The following TMCO5A variants were observed in gnomAD, a reference collection of about 807,000 sequenced individuals.
The protein encoded by TMCO5A is transmembrane and coiled-coil domain-containing protein 5A.
A neutral mutation model predicts 42.3 loss-of-function variants in TMCO5A; 34 were observed. That is an observed-to-expected ratio of 0.80 (90% CI 0.61 to 1.07). TMCO5A has a LOEUF of 1.07. Among genes scored for constraint, TMCO5A ranks in the 50% least tolerant of loss-of-function variants. The probability of loss-of-function intolerance (pLI) is 0.00; values close to 1 mark genes in which losing one functional copy is unlikely to be tolerated. For synonymous variants in TMCO5A, 131 were observed against 115.6 expected (o/e 1.13, Z -0.86); for missense variants, 357 against 327.9 (o/e 1.09, Z -0.69).
At chr15:38,006,066 G>C in the TMCO5A span, among the ~76,000 whole-genome samples, 1 of 152,218 alleles carries the variant, frequency 6.6e-6, no homozygotes, top group Admixed American at 6.5e-5. Context: ...GTGATGATAT[G>C]AAGAGGTCAA....
At chr15:37,990,679 A>G in the TMCO5A span, among the ~76,000 whole-genome samples, 4 of 151,990 alleles carry the variant, frequency 2.6e-5, no homozygotes, top group East Asian at 7.7e-4. Flanking sequence ...TTTTCTATAT[A>G]CCTTTTATCT....
At chr15:37,938,917 G>A (rs1385659477) in intron 6 of TMCO5A, among the ~76,000 whole-genome samples, 1 of 152,086 alleles carries the variant, frequency 6.6e-6, no homozygotes, top group Non-Finnish European at 1.5e-5. Context: ...AATTTCTTGT[G>A]TATACTCATG....
the TMCO5A span, chr15:38,020,605 G>A: frequency 7.2e-5 from 11 of 152,250 alleles, no homozygotes; most frequent in African/African-American, 2.4e-4. Context: ...CAATGGATAC[G>A]TAATAAGCCA....
the TMCO5A span, among the ~76,000 whole-genome samples, chr15:37,980,670 G>GTCTT: frequency 7.1e-6 from 1 of 140,680 alleles, no homozygotes; most frequent in Non-Finnish European, 1.5e-5. Flanking sequence ...AAAATCTAGT[G>GTCTT]TCTTTCTTTC....
chr15:38,023,185 A>G, the TMCO5A span, among the ~76,000 whole-genome samples: 4 of 152,112 alleles, frequency 2.6e-5, no homozygotes, highest in Non-Finnish European at 5.9e-5. Context: ...TAACAAAAAT[A>G]GACAAATTGA....
chr15:37,957,091 C>G (rs535911674), intron 11 of TMCO5A, among the ~76,000 whole-genome samples: 2 of 152,250 alleles, frequency 1.3e-5, no homozygotes, highest in East Asian at 3.9e-4. Context: ...GAACATTTCT[C>G]AAAATAATGA....
At chr15:37,990,430 C>T in the TMCO5A span, among the ~76,000 whole-genome samples, 1 of 152,016 alleles carries the variant, frequency 6.6e-6, no homozygotes, top group African/African-American at 2.4e-5. Context: ...TAGCCACTCC[C>T]ACTCTCTTGT....
At chr15:38,011,985 G>A in the TMCO5A span, among the ~76,000 whole-genome samples, 10 of 152,056 alleles carry the variant, frequency 6.6e-5, no homozygotes, top group African/African-American at 9.7e-5. Context: ...GTAGCCTGGC[G>A]CAGTGCCGGG....
downstream of TMCO5A, among the ~76,000 whole-genome samples, chr15:37,969,020 A>G (rs987230493): frequency 1.3e-5 from 2 of 152,246 alleles, 1 homozygote; most frequent in Admixed American, 1.3e-4. Context: ...ATGGATGAAG[A>G]AGACATAATA....
the TMCO5A span, among the ~76,000 whole-genome samples, chr15:38,029,222 C>T: frequency 1.5e-4 from 23 of 152,236 alleles, no homozygotes; most frequent in Middle Eastern, 6.8e-3. Context: ...AATTTTAACT[C>T]TTGACCCCCA....
At chr15:37,953,121 A>G (rs1342816199), downstream of TMCO5A, among the ~76,000 whole-genome samples, 2 of 152,184 alleles carry the variant, frequency 1.3e-5, no homozygotes, top group Non-Finnish European at 1.5e-5. Flanking sequence ...CTGGACATGC[A>G]CAGGGCCAGG....
At chr15:37,950,035 T>G (rs112749447) in intron 11 of TMCO5A, among the ~76,000 whole-genome samples, 20 of 152,174 alleles carry the variant, frequency 1.3e-4, no homozygotes, top group African/African-American at 4.8e-4. Context: ...GCCGCTTGAG[T>G]GTCCTCACAA....
At chr15:37,992,405 A>G in the TMCO5A span, among the ~76,000 whole-genome samples, 1 of 152,194 alleles carries the variant, frequency 6.6e-6, no homozygotes, top group African/African-American at 2.4e-5. Flanking sequence ...GTGGGAGTGT[A>G]AATTAGTTCC....
the TMCO5A span, among the ~76,000 whole-genome samples, chr15:38,000,852 T>C: frequency 6.6e-6 from 1 of 152,130 alleles, no homozygotes; most frequent in Non-Finnish European, 1.5e-5. Flanking sequence ...TTATTCCATG[T>C]GGTCAGATAA....
intron 6 of TMCO5A, among the ~76,000 whole-genome samples, chr15:37,940,435 A>G (rs186304189): frequency 3.8e-4 from 58 of 152,290 alleles, no homozygotes; most frequent in Non-Finnish European, 7.1e-4. Flanking sequence ...ATCTCCATTT[A>G]GCTAGCATTT....
chr15:37,998,595 C>G, the TMCO5A span, among the ~76,000 whole-genome samples: 2 of 152,240 alleles, frequency 1.3e-5, no homozygotes, highest in South Asian at 4.2e-4. Context: ...AGTTTGGTTA[C>G]TATAGCTCTG....
At chr15:38,010,790 CCACCCAGGCTAGAGTGCAGTGGCTCAA>C in the TMCO5A span, among the ~76,000 whole-genome samples, 1 of 152,094 alleles carries the variant, frequency 6.6e-6, no homozygotes, top group African/African-American at 2.4e-5. Context: ...CCTCACTCTG[CCACCCAGGCTAGAGTGCAGTGGCTCAA>C]TCTTGGCTCA....
At chr15:37,975,255 C>T in the TMCO5A span, among the ~76,000 whole-genome samples, 55 of 152,166 alleles carry the variant, frequency 3.6e-4, no homozygotes, top group Admixed American at 3.3e-3. Flanking sequence ...TATGTTAGGC[C>T]CATTTTGTCA....
At chr15:38,031,980 A>G in the TMCO5A span, among the ~76,000 whole-genome samples, 1 of 147,746 alleles carries the variant, frequency 6.8e-6, no homozygotes, top group African/African-American at 2.5e-5. Flanking sequence ...TTTTAGATGG[A>G]ATTTTGCTTT....
Sources: allele counts gnomAD v4.1 joint callset (sites outside exome capture counted in the v4.1 genomes callset), GRCh38; gene constraint gnomAD v4.1.1; transcripts MANE v1.5; gene names NCBI Gene and HGNC (gene_info 2026-07-23, HGNC 2026-07-21).